Variants in SORCS2 observed in about 807,000 individuals in gnomAD.
The protein encoded by SORCS2 is sortilin related VPS10 domain containing receptor 2.
Under a neutral mutation model 141.6 loss-of-function variants are expected in SORCS2, and 100 were observed. The observed-to-expected ratio is 0.71, with a 90% CI of 0.60 to 0.83. The LOEUF is 0.83. Ranked by LOEUF, SORCS2 falls within the 40% of genes least tolerant of loss-of-function variation. The pLI is 0.00. For missense variants in SORCS2, 1,646 were observed against 1,560.2 expected (o/e 1.05, Z -0.93); for synonymous variants, 789 against 676.9 (o/e 1.17, Z -2.57).
intron 2 of SORCS2, among the ~76,000 whole-genome samples, chr4:7,429,816 G>T (rs1213491369): frequency 1.3e-5 from 2 of 152,210 alleles, no homozygotes; most frequent in Non-Finnish European, 2.9e-5. Flanking sequence ...TCCACTACTG[G>T]CTGTGTGGCC....
intron 3 of SORCS2, among the ~76,000 whole-genome samples, chr4:7,580,590 T>C (rs992607180): frequency 1.3e-5 from 2 of 152,170 alleles, no homozygotes; most frequent in African/African-American, 4.8e-5. Context: ...CAGGGATATA[T>C]TAATGGTAAC....
At chr4:7,668,467 A>C (rs1722624100) in intron 8 of SORCS2, among the ~76,000 whole-genome samples, 1 of 152,038 alleles carries the variant, frequency 6.6e-6, no homozygotes, top group East Asian at 1.9e-4. Flanking sequence ...TGAGGTAGAG[A>C]GTGAGAGTGG....
intron 1 of SORCS2, among the ~76,000 whole-genome samples, chr4:7,258,074 G>A (rs75795608): frequency 0.01 from 1,541 of 152,320 alleles, 37 homozygotes; most frequent in East Asian, 0.068. Context: ...CAGGGGCGGA[G>A]TGCTTCCGCT....
At chr4:7,408,386 G>GTT (rs148455545) in intron 2 of SORCS2, among the ~76,000 whole-genome samples, 57,636 of 149,728 alleles carry the variant, frequency 0.38, 11,720 homozygotes, top group East Asian at 0.51. Flanking sequence ...TTGGATGACA[G>GTT]TTTTTTTTTT....
At chr4:7,661,442 C>T (rs1005236543) in intron 5 of SORCS2, 58 bp from the exon 6 acceptor site, 1 of 1,535,200 alleles carries the variant, frequency 6.5e-7, no homozygotes, top group Admixed American at 2.0e-5. Context: ...TGGGGAGCAG[C>T]TGGGGGACGG....
chr4:7,589,914 C>T (rs1716799555), intron 3 of SORCS2, among the ~76,000 whole-genome samples: 1 of 152,188 alleles, frequency 6.6e-6, no homozygotes, highest in Non-Finnish European at 1.5e-5. Context: ...TATGGAGACT[C>T]ACCAGGTCTG....
chr4:7,325,574 G>C (rs941165609), intron 1 of SORCS2, among the ~76,000 whole-genome samples: 7 of 152,204 alleles, frequency 4.6e-5, no homozygotes, highest in Non-Finnish European at 1.0e-4. Flanking sequence ...GGGCAGCTCC[G>C]TGGAACTCAA....
rs1577067395 is a variant in SORCS2 at position 7,680,021 on chromosome 4, AC to A, written c.1342-2720del. ...CTGAGGACAGCAGAAAGGCATCTGC[AC>A]CAAGCACTAGACAGGGCAGAAGCCC... On this transcript the variant is annotated intron_variant, in intron 9 of 26. Transcript: ENST00000507866. Among the ~76,000 whole-genome samples, 3 of 152,336 alleles carry A rather than the reference AC, an allele frequency of 2.0e-5. No individual in the cohort carries two copies. In the East Asian group the frequency reaches 5.8e-4, roughly 29 times the overall value.
Position 7,740,653 on chromosome 4 carries a change from G to A in SORCS2, c.*389G>A, listed in dbSNP as rs1399970845. The A allele has an allele frequency of 1.1e-5, 3 of 285,172 alleles. No individual in the cohort carries two copies. The highest frequency in any genetic ancestry group is 6.3e-5 in the African/African-American group (3 of 47,696). 17.7% of individuals were successfully genotyped at this position (285,172 alleles called of 1,614,324 possible). ...AGAGCTGCAGACCCGTTCAGACACTGCGTTGCGGGCTCCTTCCCCGCAGAG... is the reference window on the plus strand; with the variant it reads ...AGAGCTGCAGACCCGTTCAGACACTACGTTGCGGGCTCCTTCCCCGCAGAG... On this transcript the variant is annotated 3_prime_UTR_variant, in exon 27 of 27. Transcript: ENST00000507866.
At chr4:7,332,646 C>T (rs1291913023) in intron 1 of SORCS2, among the ~76,000 whole-genome samples, 2 of 152,260 alleles carry the variant, frequency 1.3e-5, no homozygotes, top group Non-Finnish European at 2.9e-5. Context: ...ACCCAATCCA[C>T]TGGGCCACCT....
chr4:7,426,313 G>A (rs1239235002), intron 2 of SORCS2, among the ~76,000 whole-genome samples: 2 of 36,692 alleles, frequency 5.5e-5, no homozygotes, highest in Non-Finnish European at 1.2e-4. Flanking sequence ...GGGGAGGCCC[G>A]AGGACGGCTT....
intron 2 of SORCS2, among the ~76,000 whole-genome samples, chr4:7,423,556 T>A (rs4359900): frequency 1.3e-5 from 2 of 152,112 alleles, no homozygotes; most frequent in African/African-American, 4.8e-5. Context: ...CTGGTGTTAC[T>A]GGTGTGCACC....
intron 2 of SORCS2, among the ~76,000 whole-genome samples, chr4:7,419,911 G>T (rs1358540584): frequency 6.6e-6 from 1 of 152,198 alleles, no homozygotes; most frequent in Non-Finnish European, 1.5e-5. Context: ...TCCAATGTGG[G>T]TATTCCTAGC....
intron 2 of SORCS2, among the ~76,000 whole-genome samples, chr4:7,475,727 C>G (rs183431159): frequency 6.6e-6 from 1 of 152,334 alleles, no homozygotes; most frequent in African/African-American, 2.4e-5. Flanking sequence ...CACACACATG[C>G]ACATATACAT....
At chr4:7,491,873 G>A (rs974595580) in intron 2 of SORCS2, among the ~76,000 whole-genome samples, 5 of 152,202 alleles carry the variant, frequency 3.3e-5, no homozygotes, top group African/African-American at 1.2e-4. Context: ...GTCCAGGGCT[G>A]TGCTCCCAGC....
At chr4:7,669,981 T>C (rs1385172380) in intron 8 of SORCS2, among the ~76,000 whole-genome samples, 1 of 152,242 alleles carries the variant, frequency 6.6e-6, no homozygotes, top group East Asian at 1.9e-4. Flanking sequence ...GTTTCCATTT[T>C]TTTATAATTA....
At chr4:7,555,015 C>G (rs187267682) in intron 3 of SORCS2, among the ~76,000 whole-genome samples, 1 of 152,122 alleles carries the variant, frequency 6.6e-6, no homozygotes. Context: ...CTGCTCAGCC[C>G]AGCCGTTCAC....
At chr4:7,387,482 CAT>C (rs1480920567) in intron 1 of SORCS2, among the ~76,000 whole-genome samples, 47 of 119,372 alleles carry the variant, frequency 3.9e-4, no homozygotes, top group African/African-American at 8.9e-4. Flanking sequence ...TACACATGCA[CAT>C]ACATACACAT....
At chr4:7,327,153 C>T (rs1316906344) in intron 1 of SORCS2, among the ~76,000 whole-genome samples, 1 of 152,236 alleles carries the variant, frequency 6.6e-6, no homozygotes, top group Non-Finnish European at 1.5e-5. Context: ...CAACGTTCCA[C>T]CGAGCTGGGG....
Sources: gnomAD v4.1 joint callset for allele counts (sites outside exome capture counted in the v4.1 genomes callset) on GRCh38, gnomAD v4.1.1 for gene constraint, MANE v1.5 for transcripts, NCBI Gene and HGNC (gene_info 2026-07-23, HGNC 2026-07-21) for gene names.